Variants in NRF1 observed in about 807,000 individuals in gnomAD.
The protein encoded by NRF1 is nuclear respiratory factor 1, also known as alpha palindromic-binding protein.
A neutral mutation model predicts 58.5 loss-of-function variants in NRF1; 5 were observed. That is an observed-to-expected ratio of 0.09 (90% confidence interval 0.04 to 0.18). NRF1 has a LOEUF of 0.18. Ranked by LOEUF, NRF1 falls within the 10% of genes least tolerant of loss-of-function variation. NRF1 has a pLI of 1.00. For synonymous variants in NRF1, 224 were observed against 246.7 expected, an observed-to-expected ratio of 0.91 and a Z score of 0.86; for missense variants, 288 against 657.7, an observed-to-expected ratio of 0.44 and a Z score of 6.15.
intron 4 of NRF1, among the ~76,000 whole-genome samples, chr7:129,689,568 C>T (rs10954251): frequency 0.29 from 44,616 of 152,090 alleles, 8,128 homozygotes; most frequent in Non-Finnish European, 0.42. Flanking sequence ...TTCAGATGAA[C>T]CCATTATATT....
chr7:129,679,922 G>T (rs1344049505), intron 4 of NRF1, among the ~76,000 whole-genome samples: 2 of 151,608 alleles, frequency 1.3e-5, no homozygotes, highest in African/African-American at 4.9e-5. Flanking sequence ...GCCAGACGTG[G>T]TGGCGGGCGC....
intron 4 of NRF1, 103 bp from the exon 5 acceptor site, chr7:129,690,303 C>A: frequency 8.8e-7 from 1 of 1,137,740 alleles, no homozygotes; most frequent in Non-Finnish European, 1.3e-6. Context: ...TAAGGCTATG[C>A]AATGGCTCAG....
rs192867952 is a variant in NRF1, at chr7:129,705,197, T to C, written c.607-3878T>C. Among the ~76,000 whole-genome samples, 310 of 152,308 alleles carry C rather than the reference T, an allele frequency of 2.0e-3. 3 individuals are homozygous for C. Among genetic ancestry groups the C allele is most frequent in the African/African-American group, 6.7e-3 (279 of 41,558 alleles). On this transcript the variant is annotated intron_variant, in intron 5 of 10. Coordinates refer to ENST00000393232, the MANE Select transcript of NRF1 (RefSeq NM_005011.5). Reference sequence around the variant, plus strand: ...TATACCTGCTATCTCAGCCTCTTCATTGACCTTGTATATTTGCTATTATTA... The same window carrying C: ...TATACCTGCTATCTCAGCCTCTTCACTGACCTTGTATATTTGCTATTATTA...
At chr7:129,677,578 C>G in intron 3 of NRF1, 54 bp from the exon 4 acceptor site, 3 of 1,569,376 alleles carry the variant, frequency 1.9e-6, no homozygotes, top group Non-Finnish European at 2.6e-6. Flanking sequence ...GTCTATGTCA[C>G]TGTAATTTCC....
intron 1 of NRF1, among the ~76,000 whole-genome samples, chr7:129,637,866 A>ATTTTTTTTTT (rs201653341): frequency 6.7e-6 from 1 of 149,478 alleles, no homozygotes; most frequent in Admixed American, 6.7e-5. Context: ...TTGTGATTTT[A>ATTTTTTTTTT]TTTTTTGTTT....
chr7:129,753,467 A>T (rs1804170548), intron 10 of NRF1, among the ~76,000 whole-genome samples: 1 of 152,182 alleles, frequency 6.6e-6, no homozygotes, highest in Non-Finnish European at 1.5e-5. Flanking sequence ...GAACCATTTC[A>T]CATTTGCTTT....
chr7:129,701,774 T>C (rs1234550355), intron 5 of NRF1, among the ~76,000 whole-genome samples: 1 of 152,166 alleles, frequency 6.6e-6, no homozygotes, highest in Non-Finnish European at 1.5e-5. Flanking sequence ...AATTCCACTT[T>C]TCTGAATTTC....
At chr7:129,679,517 C>T (rs537878730) in intron 4 of NRF1, among the ~76,000 whole-genome samples, 11 of 152,242 alleles carry the variant, frequency 7.2e-5, no homozygotes, top group Admixed American at 1.3e-4. Flanking sequence ...GTCAGGAGTT[C>T]GAGACCAGCC....
At chr7:129,619,431 T>TATAC (rs1325826348) in intron 1 of NRF1, among the ~76,000 whole-genome samples, 1 of 71,544 alleles carries the variant, frequency 1.4e-5, no homozygotes. Context: ...TATATATATA[T>TATAC]ATACACACAC....
intron 1 of NRF1, among the ~76,000 whole-genome samples, chr7:129,613,793 G>C (rs979708339): frequency 2.0e-5 from 3 of 151,628 alleles, no homozygotes; most frequent in Admixed American, 2.0e-4. Context: ...CAGCTGCTGG[G>C]AGGGGCGGGG....
chr7:129,612,282 C>G (rs1435641669), intron 1 of NRF1, among the ~76,000 whole-genome samples: 2 of 113,052 alleles, frequency 1.8e-5, no homozygotes, highest in Non-Finnish European at 3.8e-5. Flanking sequence ...CTCGGCCCTT[C>G]CCGGCTCTCG....
At chr7:129,689,188 C>T (rs1404177597) in intron 4 of NRF1, among the ~76,000 whole-genome samples, 1 of 152,154 alleles carries the variant, frequency 6.6e-6, no homozygotes, top group East Asian at 1.9e-4. Flanking sequence ...GAGGATTCTT[C>T]AACTGCAGAA....
intron 1 of NRF1, among the ~76,000 whole-genome samples, chr7:129,621,673 A>G (rs1481185879): frequency 6.6e-6 from 1 of 152,196 alleles, no homozygotes; most frequent in Non-Finnish European, 1.5e-5. Flanking sequence ...TCTAAAGAAG[A>G]AGTAATTCTG....
intron 2 of NRF1, among the ~76,000 whole-genome samples, chr7:129,665,231 C>A (rs1212854929): frequency 3.3e-5 from 5 of 152,176 alleles, no homozygotes; most frequent in African/African-American, 1.2e-4. Flanking sequence ...TGAGTCAGAC[C>A]ACCCAGGGCC....
At chr7:129,746,997 A>G (rs1351008897) in intron 10 of NRF1, among the ~76,000 whole-genome samples, 1 of 152,164 alleles carries the variant, frequency 6.6e-6, no homozygotes, top group African/African-American at 2.4e-5. Context: ...TGAAAGGCCC[A>G]TTCTTCCTCA....
At chr7:129,681,589 T>G (rs1204006277) in intron 4 of NRF1, among the ~76,000 whole-genome samples, 1 of 152,148 alleles carries the variant, frequency 6.6e-6, no homozygotes, top group African/African-American at 2.4e-5. Context: ...ATTTATTTAT[T>G]TAGAGACAAG....
intron 10 of NRF1, among the ~76,000 whole-genome samples, chr7:129,751,174 G>A (rs1584696628): frequency 6.6e-6 from 1 of 152,372 alleles, no homozygotes; most frequent in East Asian, 1.9e-4. Context: ...ATGGAGGTGT[G>A]TGCTTGGAGA....
rs906525506 is a variant in NRF1 at position 129,755,298 on chromosome 7, CT to C, written c.*128del. 0.043 allele frequency: 31,122 copies of C among 717,048 alleles called. 9 individuals are homozygous for C. Among genetic ancestry groups the C allele is most frequent in the East Asian group, 0.058 (1,209 of 20,894 alleles). 44.4% of individuals were successfully genotyped at this position (717,048 alleles called of 1,614,324 possible). A position where few individuals can be genotyped will look rare whatever the true frequency, so the allele number is the denominator to read the frequency against. On this transcript the variant is annotated 3_prime_UTR_variant, in exon 11 of 11. Coordinates refer to ENST00000393232, the MANE Select transcript of NRF1 (RefSeq NM_005011.5). The surrounding 1 kb of genome is among the most constrained non-coding windows in gnomAD (Gnocchi z 5.8). ...ACTTTGGAAGGAAAGTTTTGTTAAC[CT>C]TTTTTTTTTTAAAAGGAAGAAAGCG...
At chr7:129,679,573 C>A (rs1157561038) in intron 4 of NRF1, among the ~76,000 whole-genome samples, 1 of 143,006 alleles carries the variant, frequency 7.0e-6, no homozygotes, top group Non-Finnish European at 1.5e-5. Flanking sequence ...TACAAAAAAA[C>A]TTAGCCGGGC....
Sources: gnomAD v4.1 joint callset for allele counts (sites outside exome capture counted in the v4.1 genomes callset) on GRCh38, gnomAD v4.1.1 for gene constraint, Gnocchi (gnomAD v3.1) non-coding constraint, MANE v1.5 for transcripts, NCBI Gene and HGNC (gene_info 2026-07-23, HGNC 2026-07-21) for gene names.